The following MLIP variants were observed in gnomAD, a reference collection of about 807,000 sequenced individuals.
The protein encoded by MLIP is muscular LMNA interacting protein.
MLIP carries 79 observed loss-of-function variants against 84.8 expected under a neutral mutation model. The observed-to-expected ratio is 0.93, with a 90% CI of 0.78 to 1.12. MLIP has a LOEUF of 1.12. Ranked by LOEUF, MLIP falls within the 50% of genes most tolerant of loss-of-function variation. MLIP has a pLI of 0.00. For missense variants in MLIP, 1,257 were observed against 1,160.6 expected, an observed-to-expected ratio of 1.08 and a Z score of -1.21; for synonymous variants, 504 against 463.0, an observed-to-expected ratio of 1.09 and a Z score of -1.14.
At chr6:54,238,789 G>A (rs1781529735) in intron 12 of MLIP, among the ~76,000 whole-genome samples, 1 of 152,114 alleles carries the variant, frequency 6.6e-6, no homozygotes, top group Admixed American at 6.5e-5. Flanking sequence ...AAAATTCACA[G>A]CCATCCTTGA....
At chr6:54,249,746 T>TATATATATATATACAC (rs71724053) in intron 12 of MLIP, among the ~76,000 whole-genome samples, 9 of 150,436 alleles carry the variant, frequency 6.0e-5, no homozygotes, top group African/African-American at 2.0e-4. Context: ...TATATATATA[T>TATATATATATATACAC]ACACACACAC....
chr6:54,249,469 CTT>C (rs144894408), intron 12 of MLIP, among the ~76,000 whole-genome samples: 18 of 150,790 alleles, frequency 1.2e-4, no homozygotes, highest in African/African-American at 3.6e-4. Flanking sequence ...ATAGCTAATT[CTT>C]TTTTTTTGAT....
At chr6:54,134,498 A>G (rs1167279864) in intron 3 of MLIP, among the ~76,000 whole-genome samples, 1 of 151,904 alleles carries the variant, frequency 6.6e-6, no homozygotes, top group Non-Finnish European at 1.5e-5. Context: ...CATGGTAAAC[A>G]TCTTTAGACT....
intron 12 of MLIP, among the ~76,000 whole-genome samples, chr6:54,248,578 A>G (rs1782244032): frequency 1.3e-5 from 2 of 152,282 alleles, no homozygotes; most frequent in South Asian, 2.1e-4. Context: ...AATAGGCTGG[A>G]CATACAATAA....
chr6:54,241,359 T>C (rs1781726030), intron 12 of MLIP, among the ~76,000 whole-genome samples: 1 of 151,960 alleles, frequency 6.6e-6, no homozygotes, highest in African/African-American at 2.4e-5. Flanking sequence ...TATATTAGCT[T>C]AGGATTTTTT....
At chr6:54,261,055 T>G (rs1009616102) in intron 13 of MLIP, among the ~76,000 whole-genome samples, 1 of 152,024 alleles carries the variant, frequency 6.6e-6, no homozygotes, top group African/African-American at 2.4e-5. Flanking sequence ...AATGCAGTAA[T>G]TTCTAAGAAG....
chr6:54,128,441 A>G (rs1771108139), intron 3 of MLIP, among the ~76,000 whole-genome samples: 1 of 152,176 alleles, frequency 6.6e-6, no homozygotes, highest in Non-Finnish European at 1.5e-5. Flanking sequence ...TTTCTATCTA[A>G]GAGGTGAATC....
At chr6:54,258,992 A>G (rs1783205837) in intron 13 of MLIP, among the ~76,000 whole-genome samples, 1 of 150,036 alleles carries the variant, frequency 6.7e-6, no homozygotes, top group South Asian at 2.1e-4. Context: ...TTCTATCTAT[A>G]TGATCTAATT....
Position 54,251,394 on chromosome 6 carries a change from A to C in MLIP, c.2923-5914A>C, listed in dbSNP as rs1264130857. ...GTTGTAAATCAGGGATTAAAAACAC[A>C]AATACTTTATTGGGCTAGGCATATC... On this transcript the variant is annotated intron_variant, in intron 12 of 13. Coordinates refer to ENST00000502396, the MANE Select transcript of MLIP (RefSeq NM_001281747.2). Among the ~76,000 whole-genome samples, 5 of 138,972 alleles carry C rather than the reference A, an allele frequency of 3.6e-5. 1 individual carries two copies. The highest frequency in any genetic ancestry group is 5.9e-5 in the African/African-American group (2 of 33,730). 91.2% of individuals were successfully genotyped at this position (138,972 alleles called of 152,430 possible). A position where few individuals can be genotyped will look rare whatever the true frequency, so the allele number is the denominator to read the frequency against.
chr6:54,114,321 T>C (rs1425785698), intron 1 of MLIP, among the ~76,000 whole-genome samples: 1 of 152,220 alleles, frequency 6.6e-6, no homozygotes, highest in Non-Finnish European at 1.5e-5. Flanking sequence ...ACTTGACTCA[T>C]ACTCACATTT....
chr6:54,025,759 T>A (rs1763767277), intron 1 of MLIP, among the ~76,000 whole-genome samples: 1 of 150,044 alleles, frequency 6.7e-6, no homozygotes, highest in Non-Finnish European at 1.5e-5. Flanking sequence ...AGCTGCCGGC[T>A]CATGTTTGAT....
intron 11 of MLIP, among the ~76,000 whole-genome samples, chr6:54,212,019 G>A (rs1050969987): frequency 7.2e-5 from 11 of 152,168 alleles, no homozygotes; most frequent in East Asian, 3.9e-4. Context: ...TCTGGAATTC[G>A]TCATATTCCA....
intron 4 of MLIP, among the ~76,000 whole-genome samples, chr6:54,140,702 A>G (rs1308737335): frequency 6.6e-6 from 1 of 152,158 alleles, no homozygotes; most frequent in Non-Finnish European, 1.5e-5. Context: ...ATTACAATCT[A>G]TTATTTTCAG....
intron 5 of MLIP, 120 bp from the exon 6 acceptor site, chr6:54,160,247 A>G (rs1355606134): frequency 4.0e-6 from 3 of 755,432 alleles, no homozygotes; most frequent in Non-Finnish European, 6.5e-6. Context: ...TAGCTCATCA[A>G]ATACTGTAAA....
chr6:54,124,929 G>A lies in MLIP; in HGVS notation c.645+64G>A, dbSNP rs186783559. 2.3e-4 allele frequency: 338 copies of A among 1,463,542 alleles called. 1 individual carries two copies. The African/African-American group carries it at 3.1e-3, about 14-fold the overall frequency. 90.7% of individuals were successfully genotyped at this position (1,463,542 alleles called of 1,614,324 possible). On this transcript the variant is annotated intron_variant, in intron 3 of 13. Transcript: ENST00000502396. Reference sequence around the variant, plus strand: ...AGCGTTTATGCACCCTTTGTCTTGGGCGGTCTGCAAAGGCCATCCTGTTTA... The same window carrying A: ...AGCGTTTATGCACCCTTTGTCTTGGACGGTCTGCAAAGGCCATCCTGTTTA...
chr6:54,089,755 A>G (rs1168651018), intron 1 of MLIP, among the ~76,000 whole-genome samples: 1 of 152,158 alleles, frequency 6.6e-6, no homozygotes, highest in Non-Finnish European at 1.5e-5. Context: ...TTTGTATTGA[A>G]CTTACTTCAG....
At chr6:54,149,804 A>G (rs982447561) in intron 5 of MLIP, among the ~76,000 whole-genome samples, 8 of 152,158 alleles carry the variant, frequency 5.3e-5, no homozygotes, top group Admixed American at 4.6e-4. Context: ...AGGCTGTTAC[A>G]TAAGTAGGTA....
At chr6:54,191,235 T>G (rs1159362139) in intron 10 of MLIP, among the ~76,000 whole-genome samples, 2 of 152,196 alleles carry the variant, frequency 1.3e-5, no homozygotes, top group Non-Finnish European at 2.9e-5. Context: ...AAGAAATTGT[T>G]TTGGTATCCT....
rs1783664695 is a variant in MLIP at position 54,266,032 on chromosome 6, T to C, written c.*77T>C. 6.8e-6 allele frequency: 2 copies of C among 292,834 alleles called. No homozygotes were observed. Among genetic ancestry groups the C allele is most frequent in the Non-Finnish European group, 9.4e-6 (2 of 211,906 alleles). The allele number at this position is 292,834 out of a possible 1,614,324, so 18.1% of individuals were successfully genotyped here. ...GTGCTAACCACTTGCTAGATTTAAC[T>C]TTTTTTTTTTTTTCCAGAATGAGTG... On this transcript the variant is annotated 3_prime_UTR_variant, in exon 14 of 14. Coordinates refer to ENST00000502396, the MANE Select transcript of MLIP (RefSeq NM_001281747.2).
Sources: allele counts gnomAD v4.1 joint callset (sites outside exome capture counted in the v4.1 genomes callset), GRCh38; gene constraint gnomAD v4.1.1; transcripts MANE v1.5; gene names NCBI Gene and HGNC (gene_info 2026-07-23, HGNC 2026-07-21).